Variants in UBE3A observed in about 807,000 individuals in gnomAD.
The protein encoded by UBE3A is ubiquitin protein ligase E3A, also known as ubiquitin-protein ligase E3A.
A neutral mutation model predicts 83.4 loss-of-function variants in UBE3A; 6 were observed. The ratio of observed to expected loss-of-function variants is 0.07; its 90% CI spans 0.04 to 0.14. UBE3A has a LOEUF of 0.14. UBE3A is among the 10% of genes least tolerant of loss of function. The pLI, the probability that UBE3A is intolerant of heterozygous loss-of-function variation, is 1.00. For synonymous variants in UBE3A, 337 were observed against 355.4 expected (o/e 0.95, Z 0.58); for missense variants, 456 against 1,036.1 (o/e 0.44, Z 7.69).
chr15:25,355,814 C>G, intron 9 of UBE3A, 78 bp downstream of exon 9: 1 of 1,355,474 alleles, frequency 7.4e-7, no homozygotes, highest in South Asian at 1.2e-5. Flanking sequence ...ATATTAGATA[C>G]TTCTTTAAAA....
At chr15:25,346,739 T>C (rs2075746670) in intron 11 of UBE3A, 1 of 151,490 alleles carries the variant, frequency 6.6e-6, no homozygotes, top group African/African-American at 2.4e-5. Context: ...AGGAGAAAAA[T>C]AATCATTAGA....
intron 7 of UBE3A, among the ~76,000 whole-genome samples, chr15:25,357,902 C>CTT (rs35596421): frequency 0.028 from 2,697 of 95,638 alleles, 98 homozygotes; most frequent in Non-Finnish European, 0.04. Context: ...ATCATGGAGG[C>CTT]TTTTTTTTTT....
chr15:25,366,881 A>T (rs2079190000), intron 6 of UBE3A, among the ~76,000 whole-genome samples: 1 of 152,132 alleles, frequency 6.6e-6, no homozygotes, highest in African/African-American at 2.4e-5. Context: ...AGAAGTTCAG[A>T]TTCATAGGCT....
chr15:25,340,901 G>A (rs2152520907), intron 11 of UBE3A, among the ~76,000 whole-genome samples: 1 of 152,238 alleles, frequency 6.6e-6, no homozygotes, highest in Non-Finnish European at 1.5e-5. Flanking sequence ...TTAAGAGAAT[G>A]ATTTATCCTG....
intron 4 of UBE3A, among the ~76,000 whole-genome samples, chr15:25,384,234 C>G (rs1010713528): frequency 1.1e-4 from 17 of 151,984 alleles, no homozygotes; most frequent in African/African-American, 3.6e-4. Context: ...CCAAGGTGGG[C>G]TGATCACGAG....
chr15:25,377,726 T>C (rs2081448528), intron 4 of UBE3A, among the ~76,000 whole-genome samples: 1 of 152,130 alleles, frequency 6.6e-6, no homozygotes, highest in South Asian at 2.1e-4. Context: ...GGAAAATAAT[T>C]TGACAATTTT....
intron 4 of UBE3A, among the ~76,000 whole-genome samples, chr15:25,398,513 T>G (rs2086135951): frequency 6.6e-6 from 1 of 151,852 alleles, no homozygotes; most frequent in Non-Finnish European, 1.5e-5. Context: ...GAGTTAAGAT[T>G]CCACATTTAA....
chr15:25,347,850 G>A (rs908425179), intron 11 of UBE3A, among the ~76,000 whole-genome samples: 2 of 151,538 alleles, frequency 1.3e-5, no homozygotes, highest in Admixed American at 6.6e-5. Context: ...ATAATAAAAT[G>A]GCAGACCTCT....
intron 11 of UBE3A, among the ~76,000 whole-genome samples, chr15:25,349,983 T>C (rs1439507225): frequency 1.3e-5 from 2 of 152,192 alleles, no homozygotes; most frequent in Admixed American, 1.3e-4. Flanking sequence ...TAAGAGTTGT[T>C]GGCTGGGTGC....
chr15:25,380,429 T>C (rs2081984143), intron 4 of UBE3A, among the ~76,000 whole-genome samples: 1 of 152,174 alleles, frequency 6.6e-6, no homozygotes, highest in Admixed American at 6.5e-5. Flanking sequence ...GTTTAGGATC[T>C]ATTATTTATC....
intron 4 of UBE3A, among the ~76,000 whole-genome samples, chr15:25,395,724 AG>A (rs2085401312): frequency 6.6e-6 from 1 of 152,234 alleles, no homozygotes; most frequent in Non-Finnish European, 1.5e-5. Context: ...CGATGGAAAT[AG>A]AAGAGTTGTC....
intron 1 of UBE3A, among the ~76,000 whole-genome samples, chr15:25,414,159 C>G (rs1370623290): frequency 6.6e-6 from 1 of 152,156 alleles, no homozygotes; most frequent in Non-Finnish European, 1.5e-5. Flanking sequence ...TAATATCAAA[C>G]TCAATTATTT....
chr15:25,396,684 C>T (rs7163944), intron 4 of UBE3A, among the ~76,000 whole-genome samples: 85,645 of 152,014 alleles, frequency 0.56, 28,493 homozygotes, highest in Non-Finnish European at 0.73. Context: ...AATAAACATA[C>T]GAATAAATGA....
intron 1 of UBE3A, among the ~76,000 whole-genome samples, chr15:25,435,697 G>A (rs140923368): frequency 5.0e-4 from 76 of 152,256 alleles, no homozygotes; most frequent in African/African-American, 1.6e-3. Flanking sequence ...CCCCAGAACC[G>A]TGAGAAATAA....
intron 11 of UBE3A, among the ~76,000 whole-genome samples, chr15:25,349,979 T>A (rs1044809855): frequency 4.6e-5 from 7 of 151,972 alleles, no homozygotes; most frequent in Non-Finnish European, 1.0e-4. Context: ...AACTTAAGAG[T>A]TGTTGGCTGG....
chr15:25,337,068 T>TA lies in UBE3A; in HGVS notation c.*2068dup, dbSNP rs2073999655. The TA allele has an allele frequency of 6.6e-6, 1 of 152,158 alleles. No individual in the cohort carries two copies. The highest frequency in any genetic ancestry group is 1.5e-5 in the Non-Finnish European group (1 of 68,024). 9.4% of individuals were successfully genotyped at this position (152,158 alleles called of 1,614,324 possible). ...TGTGCAACCGACGATTTTTTTTCTC[T>TA]AAAATTTTAAGGGTAGGTTCATTCT... On this transcript the variant is annotated 3_prime_UTR_variant, in exon 13 of 13. Transcript: ENST00000648336.
At chr15:25,412,395 T>G (rs747912337) in intron 1 of UBE3A, among the ~76,000 whole-genome samples, 100 of 152,182 alleles carry the variant, frequency 6.6e-4, no homozygotes, top group Non-Finnish European at 1.2e-3. Context: ...CTTTCTAGAG[T>G]AGCAGCCTTG....
At chr15:25,375,142 CCA>C (rs1208050978) in intron 5 of UBE3A, 5 of 292,882 alleles carry the variant, frequency 1.7e-5, no homozygotes, top group African/African-American at 1.1e-4. Context: ...GATACTTAGT[CCA>C]GTTATTCTAT....
intron 4 of UBE3A, among the ~76,000 whole-genome samples, chr15:25,404,466 A>G (rs2087949602): frequency 1.3e-5 from 2 of 152,126 alleles, no homozygotes; most frequent in African/African-American, 4.8e-5. Flanking sequence ...TACTACCTCT[A>G]TTATCTGAAA....
Sources: gnomAD v4.1 joint callset for allele counts (sites outside exome capture counted in the v4.1 genomes callset) on GRCh38, gnomAD v4.1.1 for gene constraint, MANE v1.5 for transcripts, NCBI Gene and HGNC (gene_info 2026-07-23, HGNC 2026-07-21) for gene names.